The following GABRG3 variants were observed in gnomAD, a reference collection of about 807,000 sequenced individuals.
The protein encoded by GABRG3 is gamma-aminobutyric acid type A receptor subunit gamma3.
A neutral mutation model predicts 48.8 loss-of-function variants in GABRG3; 25 were observed. The observed-to-expected ratio is 0.51, with a 90% confidence interval of 0.37 to 0.72. GABRG3 has a LOEUF of 0.72. Ranked by LOEUF, GABRG3 falls within the 30% of genes least tolerant of loss-of-function variation. The pLI is 0.00. For missense variants in GABRG3, 394 were observed against 577.9 expected (o/e 0.68, Z 3.26); for synonymous variants, 227 against 217.6 (o/e 1.04, Z -0.38).
At chr15:27,245,765 C>T (rs1421109518) in intron 3 of GABRG3, among the ~76,000 whole-genome samples, 2 of 151,922 alleles carry the variant, frequency 1.3e-5, no homozygotes, top group African/African-American at 2.4e-5. Context: ...CCCAGCTACT[C>T]GGGAGGCTGA....
rs34897569 is a variant in GABRG3 at position 27,025,024 on chromosome 15, C to CAAA, written c.203-1712_203-1710dup. On this transcript the variant is annotated intron_variant, in intron 2 of 9. Coordinates refer to ENST00000615808, the MANE Select transcript of GABRG3 (RefSeq NM_033223.5). ...TGGGAGACAAAGCAAGACCCTGTCT[C>CAAA]AAAAAAAAAAAAAAAAAAAAGCATC... Among the ~76,000 whole-genome samples the CAAA allele has an allele frequency of 3.1e-3, 287 of 91,548 alleles. 8 individuals carry two copies. The highest frequency in any genetic ancestry group is 8.6e-3 in the African/African-American group (196 of 22,900). The allele number at this position is 91,548 out of a possible 152,430, so 60.1% of individuals were successfully genotyped here.
chr15:27,403,658 T>C (rs1221043925), intron 5 of GABRG3, among the ~76,000 whole-genome samples: 1 of 152,124 alleles, frequency 6.6e-6, no homozygotes, highest in Non-Finnish European at 1.5e-5. Context: ...CTCATGTCTG[T>C]AATCCCAGCG....
chr15:26,999,300 C>T (rs983614721), intron 2 of GABRG3, among the ~76,000 whole-genome samples: 1 of 151,898 alleles, frequency 6.6e-6, no homozygotes, highest in African/African-American at 2.4e-5. Flanking sequence ...TATTCAGATA[C>T]CATGTCATTT....
At chr15:26,997,067 G>C (rs1231727331) in intron 2 of GABRG3, among the ~76,000 whole-genome samples, 1 of 152,062 alleles carries the variant, frequency 6.6e-6, no homozygotes, top group African/African-American at 2.4e-5. Context: ...CCACAAGTTT[G>C]ATGATCCTTT....
At position 27,457,775 on chromosome 15, in the gene GABRG3, G is replaced by C. The variant is rs540076810; in HGVS notation, c.575-22875G>C. Among the ~76,000 whole-genome samples, 1 of 152,284 alleles carries C rather than the reference G, an allele frequency of 6.6e-6. No individual in the cohort carries two copies. Among genetic ancestry groups the C allele is most frequent in the African/African-American group, 2.4e-5 (1 of 41,560 alleles). ...CGAGTACCCACTGCTTTTTCTGCCT[G>C]TGTTTCACAAGGGGCTCTAAAGGAC... is the stretch of plus-strand genomic sequence containing the variant. On this transcript the variant is annotated intron_variant, in intron 5 of 9. Transcript: ENST00000615808. The surrounding 1 kb of genome is among the most constrained non-coding windows in gnomAD (Gnocchi z 4.4).
chr15:27,172,654 A>G (rs993495626), intron 3 of GABRG3, among the ~76,000 whole-genome samples: 2 of 152,146 alleles, frequency 1.3e-5, no homozygotes, highest in Admixed American at 6.5e-5. Context: ...TGCAGTGTCC[A>G]GGTAGTTAAT....
At chr15:27,335,885 G>A (rs1009479488) in intron 5 of GABRG3, among the ~76,000 whole-genome samples, 1 of 152,108 alleles carries the variant, frequency 6.6e-6, no homozygotes, top group Non-Finnish European at 1.5e-5. Context: ...AAACAATCCA[G>A]TTAGAAATGG....
chr15:27,289,215 G>A (rs11854968), intron 3 of GABRG3, among the ~76,000 whole-genome samples: 1 of 150,812 alleles, frequency 6.6e-6, no homozygotes, highest in East Asian at 1.9e-4. Flanking sequence ...GATCCATTTA[G>A]GTTTGTATTT....
At chr15:27,468,020 C>T (rs539009389) in intron 5 of GABRG3, among the ~76,000 whole-genome samples, 1 of 152,324 alleles carries the variant, frequency 6.6e-6, no homozygotes, top group East Asian at 1.9e-4. Flanking sequence ...ACAGTGTACA[C>T]ACTGTCCACC....
At chr15:27,290,501 G>T (rs1317801002) in intron 3 of GABRG3, among the ~76,000 whole-genome samples, 1 of 152,084 alleles carries the variant, frequency 6.6e-6, no homozygotes, top group East Asian at 1.9e-4. Flanking sequence ...GCTAAATCAT[G>T]GTGACCACTT....
intron 5 of GABRG3, among the ~76,000 whole-genome samples, chr15:27,373,476 C>G (rs1390445245): frequency 6.6e-6 from 1 of 152,158 alleles, no homozygotes; most frequent in African/African-American, 2.4e-5. Context: ...TTCTGCCAGA[C>G]AGAAATTATT....
chr15:27,091,946 G>A (rs1897193396), intron 3 of GABRG3, among the ~76,000 whole-genome samples: 1 of 152,172 alleles, frequency 6.6e-6, no homozygotes, highest in African/African-American at 2.4e-5. Context: ...TGCTGGTAAG[G>A]TTGATTCTGC....
chr15:27,512,404 A>G (rs1890917446), intron 6 of GABRG3, among the ~76,000 whole-genome samples: 1 of 152,146 alleles, frequency 6.6e-6, no homozygotes, highest in South Asian at 2.1e-4. Context: ...CAACTAGGAC[A>G]GAGTGAATGT....
At chr15:27,489,660 G>C (rs906527068) in intron 6 of GABRG3, among the ~76,000 whole-genome samples, 15 of 152,104 alleles carry the variant, frequency 9.9e-5, no homozygotes, top group Admixed American at 3.9e-4. Flanking sequence ...TTTGTTGGCT[G>C]CATAAATGTC....
intron 4 of GABRG3, among the ~76,000 whole-genome samples, chr15:27,327,606 C>T (rs1288590783): frequency 6.6e-6 from 1 of 152,214 alleles, no homozygotes; most frequent in African/African-American, 2.4e-5. Context: ...CACAGCAACA[C>T]AGCACTAGCA....
At chr15:27,097,500 T>A (rs147861779) in intron 3 of GABRG3, among the ~76,000 whole-genome samples, 86 of 152,262 alleles carry the variant, frequency 5.6e-4, no homozygotes, top group African/African-American at 2.0e-3. Flanking sequence ...CCTTTGTTTT[T>A]CTCTTTCTCT....
At chr15:27,298,205 G>A (rs1892068557) in intron 3 of GABRG3, among the ~76,000 whole-genome samples, 1 of 152,156 alleles carries the variant, frequency 6.6e-6, no homozygotes. Flanking sequence ...CCTCTAAGAT[G>A]TTGTCTGTAG....
At chr15:27,100,060 C>CA (rs1301789751) in intron 3 of GABRG3, among the ~76,000 whole-genome samples, 6 of 151,448 alleles carry the variant, frequency 4.0e-5, no homozygotes, top group East Asian at 1.9e-4. Context: ...ACTAAAAATA[C>CA]AAAAAAAATT....
At chr15:27,164,714 G>A (rs550491970) in intron 3 of GABRG3, among the ~76,000 whole-genome samples, 13 of 152,356 alleles carry the variant, frequency 8.5e-5, no homozygotes, top group African/African-American at 2.9e-4. Context: ...ATAGCTCTAT[G>A]ATGATGAGAT....
Sources: allele counts gnomAD v4.1 joint callset (sites outside exome capture counted in the v4.1 genomes callset), GRCh38; gene constraint gnomAD v4.1.1; non-coding constraint Gnocchi (gnomAD v3.1); transcripts MANE v1.5; gene names NCBI Gene and HGNC (gene_info 2026-07-23, HGNC 2026-07-21).